Variants in GRIN2B observed in about 807,000 individuals in gnomAD.
GRIN2B encodes glutamate ionotropic receptor NMDA type subunit 2B, also known as glutamate receptor ionotropic, NMDA 2B.
In GRIN2B, 5 loss-of-function variants were observed where a neutral mutation model predicts 114.5. The ratio of observed to expected loss-of-function variants is 0.04; its 90% CI spans 0.02 to 0.09. GRIN2B has a LOEUF of 0.09. Among genes scored for constraint, GRIN2B ranks in the 10% least tolerant of loss-of-function variants. The pLI, the probability that GRIN2B is intolerant of heterozygous loss-of-function variation, is 1.00. For synonymous variants in GRIN2B, 787 were observed against 745.1 expected, an observed-to-expected ratio of 1.06 and a Z score of -0.92; for missense variants, 1,108 against 1,943.5, an observed-to-expected ratio of 0.57 and a Z score of 8.08.
At chr12:13,832,027 G>A (rs1865157687) in intron 3 of GRIN2B, among the ~76,000 whole-genome samples, 1 of 152,174 alleles carries the variant, frequency 6.6e-6, no homozygotes, top group African/African-American at 2.4e-5. Flanking sequence ...GGGCAGGGTA[G>A]CATGTTTTTG....
At chr12:13,604,577 A>G (rs1343770567) in intron 10 of GRIN2B, among the ~76,000 whole-genome samples, 2 of 152,196 alleles carry the variant, frequency 1.3e-5, no homozygotes, top group Non-Finnish European at 2.9e-5. Flanking sequence ...ATCTAATCAC[A>G]TTGGAAAATA....
chr12:13,915,178 A>G (rs769565489), intron 2 of GRIN2B, among the ~76,000 whole-genome samples: 11 of 152,218 alleles, frequency 7.2e-5, no homozygotes, highest in Non-Finnish European at 1.2e-4. Flanking sequence ...CAAAATATGT[A>G]CATCTATTGT....
rs575540437 is a variant in GRIN2B at position 13,656,519 on chromosome 12, C to A, written c.1125+19226G>T. ...AGAGAGTCAAAGGTCTTTCTCTGAT[C>A]GCTGGTCGCAAGGTTCTGAAGAAAT... On this transcript the variant is annotated intron_variant, in intron 5 of 13. Coordinates refer to ENST00000609686, the MANE Select transcript of GRIN2B (RefSeq NM_000834.5). Among the ~76,000 whole-genome samples, 6 of 152,288 alleles carry A rather than the reference C, an allele frequency of 3.9e-5. No individual in the cohort carries two copies. In the South Asian group the frequency reaches 1.2e-3, roughly 32 times the overall value.
chr12:13,777,030 G>A (rs1251168981), intron 3 of GRIN2B, among the ~76,000 whole-genome samples: 3 of 152,122 alleles, frequency 2.0e-5, no homozygotes, highest in African/African-American at 7.2e-5. Context: ...TAAGGTGCAA[G>A]TTCTCAGAGC....
At chr12:13,625,357 G>C (rs1445385477) in intron 5 of GRIN2B, among the ~76,000 whole-genome samples, 1 of 152,204 alleles carries the variant, frequency 6.6e-6, no homozygotes, top group East Asian at 1.9e-4. Context: ...CCTGATGGTT[G>C]TGTCTAAAGG....
At chr12:13,659,562 TTA>T (rs1949899275) in intron 5 of GRIN2B, among the ~76,000 whole-genome samples, 1 of 152,214 alleles carries the variant, frequency 6.6e-6, no homozygotes, top group South Asian at 2.1e-4. Flanking sequence ...CTAATGCTCT[TTA>T]AGCTCAATCT....
intron 4 of GRIN2B, among the ~76,000 whole-genome samples, chr12:13,702,496 G>C (rs1008698290): frequency 5.3e-5 from 8 of 152,154 alleles, no homozygotes; most frequent in Admixed American, 3.9e-4. Context: ...AAAAGATCTA[G>C]GATTGAAACT....
chr12:13,774,586 C>T (rs935097523), intron 3 of GRIN2B, among the ~76,000 whole-genome samples: 2 of 152,138 alleles, frequency 1.3e-5, no homozygotes, highest in Non-Finnish European at 2.9e-5. Context: ...ATCAAGTGTA[C>T]AAAGCAAGAG....
At chr12:13,791,185 G>A (rs1005224531) in intron 3 of GRIN2B, among the ~76,000 whole-genome samples, 1 of 152,054 alleles carries the variant, frequency 6.6e-6, no homozygotes, top group Non-Finnish European at 1.5e-5. Flanking sequence ...ATGTCCTGGC[G>A]AGGCGCGGTG....
At chr12:13,832,935 A>G (rs897729160) in intron 3 of GRIN2B, among the ~76,000 whole-genome samples, 16 of 152,192 alleles carry the variant, frequency 1.1e-4, no homozygotes, top group African/African-American at 3.4e-4. Context: ...CTGCACTCAC[A>G]TCAACACTAT....
intron 3 of GRIN2B, among the ~76,000 whole-genome samples, chr12:13,854,520 A>AAACC (rs1309367158): frequency 3.3e-5 from 5 of 152,080 alleles, no homozygotes; most frequent in Non-Finnish European, 5.9e-5. Flanking sequence ...AAAACAAAAC[A>AAACC]AAACAAGAAG....
chr12:13,866,911 T>A (rs965589636), intron 2 of GRIN2B, among the ~76,000 whole-genome samples: 1 of 152,222 alleles, frequency 6.6e-6, no homozygotes, highest in Non-Finnish European at 1.5e-5. Context: ...ACCATTTTTA[T>A]AAATGTTGAC....
intron 4 of GRIN2B, among the ~76,000 whole-genome samples, chr12:13,740,606 T>C (rs937980352): frequency 1.3e-5 from 2 of 152,050 alleles, no homozygotes; most frequent in Non-Finnish European, 2.9e-5. Flanking sequence ...CATTTGTAAA[T>C]CATGGCAGAG....
chr12:13,605,180 T>A (rs1011830350), intron 10 of GRIN2B, among the ~76,000 whole-genome samples: 3 of 151,758 alleles, frequency 2.0e-5, no homozygotes, highest in African/African-American at 7.3e-5. Context: ...ATTATTGTAA[T>A]AGAATGCGGA....
At chr12:13,881,027 C>T (rs1866065041) in intron 2 of GRIN2B, among the ~76,000 whole-genome samples, 1 of 152,118 alleles carries the variant, frequency 6.6e-6, no homozygotes, top group South Asian at 2.1e-4. Flanking sequence ...CGTGCGCGCA[C>T]GCATGTGCGC....
chr12:13,678,681 C>G (rs34245298), intron 4 of GRIN2B, among the ~76,000 whole-genome samples: 1 of 152,058 alleles, frequency 6.6e-6, no homozygotes, highest in African/African-American at 2.4e-5. Context: ...CAGCCCAGAG[C>G]GGCTCACCCA....
chr12:13,607,321 AT>A (rs1949277248), intron 10 of GRIN2B, among the ~76,000 whole-genome samples: 1 of 59,314 alleles, frequency 1.7e-5, no homozygotes, highest in Non-Finnish European at 3.1e-5. Context: ...ATAATATAAA[AT>A]ATATAATATA....
chr12:13,714,012 G>A (rs1446348474), intron 4 of GRIN2B, among the ~76,000 whole-genome samples: 3 of 151,710 alleles, frequency 2.0e-5, no homozygotes, highest in Non-Finnish European at 4.4e-5. Flanking sequence ...TTCTAGCCCT[G>A]TATTCTAAAA....
At chr12:13,839,109 T>A (rs919176117) in intron 3 of GRIN2B, among the ~76,000 whole-genome samples, 3 of 152,156 alleles carry the variant, frequency 2.0e-5, no homozygotes, top group Admixed American at 2.0e-4. Flanking sequence ...CTGATCACAC[T>A]CTGAGGTTAA....
Sources: allele counts gnomAD v4.1 joint callset (sites outside exome capture counted in the v4.1 genomes callset), GRCh38; gene constraint gnomAD v4.1.1; transcripts MANE v1.5; gene names NCBI Gene and HGNC (gene_info 2026-07-23, HGNC 2026-07-21).